Variants in PCDH11Y observed in about 807,000 individuals in gnomAD.
PCDH11Y encodes protocadherin-11 Y-linked.
For missense variants in PCDH11Y, 12 were observed against 224.8 expected, an observed-to-expected ratio of 0.05 and a Z score of 6.05; for synonymous variants, 9 against 83.6, an observed-to-expected ratio of 0.11 and a Z score of 4.87.
chrY:5,384,787 A>G (rs1602916329), intron 2 of PCDH11Y, among the ~76,000 whole-genome samples: 1 of 30,147 alleles, frequency 3.3e-5, no homozygotes, highest in South Asian at 7.5e-4. Flanking sequence ...ACATCAGGTT[A>G]CCTCATTTTT....
intron 2 of PCDH11Y, among the ~76,000 whole-genome samples, chrY:5,326,865 C>T: frequency 9.1e-5 from 3 of 32,920 alleles, no homozygotes; most frequent in African/African-American, 1.2e-4. Flanking sequence ...ATTAAAGCAG[C>T]GGCAGCCTCT....
intron 2 of PCDH11Y, among the ~76,000 whole-genome samples, chrY:5,211,964 A>C: frequency 3.0e-5 from 1 of 33,566 alleles, no homozygotes; most frequent in Non-Finnish European, 7.3e-5. Context: ...TTAATCAAAT[A>C]ACATTAAATT....
chrY:5,352,860 A>G (rs2053161103), intron 2 of PCDH11Y, among the ~76,000 whole-genome samples: 2 of 32,316 alleles, frequency 6.2e-5, no homozygotes, highest in Non-Finnish European at 1.5e-4. Context: ...ACATCTCTAC[A>G]CTCACTCTCC....
At chrY:5,394,978 G>A (rs2124676334) in intron 2 of PCDH11Y, among the ~76,000 whole-genome samples, 11 of 33,031 alleles carry the variant, frequency 3.3e-4, no homozygotes, top group Admixed American at 2.3e-3. Context: ...TGTATGTACT[G>A]ATGATACAAT....
intron 2 of PCDH11Y, among the ~76,000 whole-genome samples, chrY:5,116,238 G>C: frequency 3.0e-5 from 1 of 33,709 alleles, no homozygotes; most frequent in African/African-American, 1.2e-4. Context: ...CATGGTACAT[G>C]TTTTATAAAA....
chrY:5,259,626 T>G, intron 2 of PCDH11Y, among the ~76,000 whole-genome samples: 1 of 32,932 alleles, frequency 3.0e-5, no homozygotes, highest in Non-Finnish European at 7.5e-5. Flanking sequence ...AGTTTTTAAC[T>G]TTTTTGTTTC....
intron 4 of PCDH11Y, among the ~76,000 whole-genome samples, chrY:5,665,542 A>G: frequency 6.0e-5 from 2 of 33,482 alleles, no homozygotes; most frequent in Non-Finnish European, 1.5e-4. Flanking sequence ...AGAAAACTCT[A>G]TACTATCAGA....
intron 4 of PCDH11Y, among the ~76,000 whole-genome samples, chrY:5,728,972 G>A (rs1569351093): frequency 1.6e-3 from 53 of 33,409 alleles, no homozygotes; most frequent in Non-Finnish European, 6.0e-4. Flanking sequence ...TAAAGACTGC[G>A]TATATCCTAT....
At chrY:5,075,639 G>A in intron 1 of PCDH11Y, among the ~76,000 whole-genome samples, 1 of 33,216 alleles carries the variant, frequency 3.0e-5, no homozygotes, top group African/African-American at 1.2e-4. Flanking sequence ...GAAATTTTTA[G>A]CTCCCACAAA....
intron 4 of PCDH11Y, among the ~76,000 whole-genome samples, chrY:5,675,621 T>C: frequency 3.0e-5 from 1 of 33,704 alleles, no homozygotes; most frequent in Non-Finnish European, 7.3e-5. Context: ...AATTGGGTAA[T>C]TCTATCTGTT....
chrY:5,164,706 C>CA (rs2052877565), intron 2 of PCDH11Y, among the ~76,000 whole-genome samples: 7 of 29,512 alleles, frequency 2.4e-4, no homozygotes, highest in East Asian at 9.1e-4. Flanking sequence ...ATAGGACAAA[C>CA]AAAAAAAAAA....
Position 5,151,097 on chromosome Y carries a change from C to T in PCDH11Y, c.3129+50390C>T, listed in dbSNP as rs1602876904. On this transcript the variant is annotated intron_variant, in intron 2 of 4. Transcript: ENST00000400457. ...GTAAGTGATAGAGATTTTAGACTCA[C>T]GGAGCTAGAAGAGCTTTCATGTCCA... Among the ~76,000 whole-genome samples, 8 of 33,667 alleles carry T rather than the reference C, an allele frequency of 2.4e-4. No homozygotes were observed. In the East Asian group the frequency reaches 2.4e-3, roughly 10 times the overall value. 90.3% of individuals were successfully genotyped at this position (33,667 alleles called of 37,273 possible).
chrY:5,434,118 C>G, intron 2 of PCDH11Y, among the ~76,000 whole-genome samples: 1 of 32,202 alleles, frequency 3.1e-5, no homozygotes, highest in Non-Finnish European at 7.6e-5. Context: ...TAATTCTAAT[C>G]AATGTTCATG....
At chrY:5,289,044 C>T (rs2053063898) in intron 2 of PCDH11Y, among the ~76,000 whole-genome samples, 1 of 32,272 alleles carries the variant, frequency 3.1e-5, no homozygotes. Flanking sequence ...ATGTAACTAC[C>T]ACCACAATCA....
intron 2 of PCDH11Y, among the ~76,000 whole-genome samples, chrY:5,212,455 C>G: frequency 3.2e-5 from 1 of 31,196 alleles, no homozygotes; most frequent in African/African-American, 1.2e-4. Context: ...GTAAAAAACT[C>G]TCACAAAAAT....
intron 3 of PCDH11Y, among the ~76,000 whole-genome samples, chrY:5,566,486 A>AAGAGGGG (rs2053435260): frequency 6.1e-5 from 2 of 32,802 alleles, no homozygotes; most frequent in South Asian, 1.3e-3. Flanking sequence ...ATGTGGAATT[A>AAGAGGGG]TAATTATGTT....
chrY:5,290,958 A>AT, intron 2 of PCDH11Y, among the ~76,000 whole-genome samples: 1 of 16,305 alleles, frequency 6.1e-5, no homozygotes, highest in Non-Finnish European at 1.3e-4. Flanking sequence ...TTTTAGAATT[A>AT]TTTTTTTTTC....
chrY:5,452,675 C>G (rs1602927885), intron 2 of PCDH11Y, among the ~76,000 whole-genome samples: 1 of 33,683 alleles, frequency 3.0e-5, no homozygotes. Flanking sequence ...GATTTAGACC[C>G]CACTACCTAT....
chrY:5,533,060 T>A (rs2053396937), intron 3 of PCDH11Y, among the ~76,000 whole-genome samples: 1 of 32,709 alleles, frequency 3.1e-5, no homozygotes, highest in Non-Finnish European at 7.5e-5. Context: ...CTCGAACTCC[T>A]GACCTCGTGA....
Sources: gnomAD v4.1 joint callset for allele counts (sites outside exome capture counted in the v4.1 genomes callset) on GRCh38, gnomAD v4.1.1 for gene constraint, MANE v1.5 for transcripts, NCBI Gene and HGNC (gene_info 2026-07-23, HGNC 2026-07-21) for gene names.